RAPGEF6: variants seen among roughly 807,000 people sequenced by gnomAD.
The protein encoded by RAPGEF6 is Rap guanine nucleotide exchange factor 6.
A neutral mutation model predicts 171.4 loss-of-function variants in RAPGEF6; 56 were observed. The ratio of observed to expected loss-of-function variants is 0.33; its 90% CI spans 0.26 to 0.41. The LOEUF is 0.41. Among genes scored for constraint, RAPGEF6 ranks in the 10% least tolerant of loss-of-function variants. RAPGEF6 has a pLI of 1.00. For missense variants in RAPGEF6, 1,674 were observed against 1,921.4 expected (o/e 0.87, Z 2.41); for synonymous variants, 692 against 650.1 (o/e 1.06, Z -0.98).
chr5:131,635,126 A>G lies in RAPGEF6; in HGVS notation c.-96T>C. 1 of 1,281,574 alleles carries G rather than the reference A, an allele frequency of 7.8e-7. No homozygotes were observed. Among genetic ancestry groups the G allele is most frequent in the Non-Finnish European group, 1.1e-6 (1 of 950,410 alleles). 79.4% of individuals were successfully genotyped at this position (1,281,574 alleles called of 1,614,324 possible). ...GGTGCGGTACCTTTCCCCCGCCCCA[A>G]GGAGGGAACTTCGCGCCGTAACAAG... On this transcript the variant is annotated 5_prime_UTR_variant, in exon 1 of 28. Coordinates refer to ENST00000509018, the MANE Select transcript of RAPGEF6 (RefSeq NM_016340.6).
rs184540240 is a variant in RAPGEF6, at chr5:131,430,732, T to G, written c.4465+127A>C. The G allele has an allele frequency of 6.2e-3, 8,027 of 1,299,264 alleles. 35 individuals are homozygous for G. Among genetic ancestry groups the G allele is most frequent in the Middle Eastern group, 0.027 (146 of 5,434 alleles). The allele number at this position is 1,299,264 out of a possible 1,614,324, so 80.5% of individuals were successfully genotyped here. ...ATTTTTGGGAAATAACTTGTTTGTTTGTGAAGGAAAGAAAGGTTGTTAGAG... is the reference window on the plus strand; with the variant it reads ...ATTTTTGGGAAATAACTTGTTTGTTGGTGAAGGAAAGAAAGGTTGTTAGAG... On this transcript the variant is annotated intron_variant, in intron 26 of 27. Coordinates refer to ENST00000509018, the MANE Select transcript of RAPGEF6 (RefSeq NM_016340.6).
intron 3 of RAPGEF6, among the ~76,000 whole-genome samples, chr5:131,592,766 G>T (rs1763669069): frequency 6.6e-6 from 1 of 152,060 alleles, no homozygotes; most frequent in South Asian, 2.1e-4. Flanking sequence ...ACTGTTCCTT[G>T]AAATAAATTT....
chr5:131,430,821 A>T (rs369408987), intron 26 of RAPGEF6, 38 bp downstream of exon 26: 5 of 1,580,930 alleles, frequency 3.2e-6, no homozygotes, highest in Non-Finnish European at 4.3e-6. Context: ...TTGACTACTT[A>T]ATCTCTAAAT....
In RAPGEF6 at chr5:131,621,942, A is replaced by C. The variant is rs569990446; in HGVS notation, c.69+13020T>G. On this transcript the variant is annotated intron_variant, in intron 1 of 27. Transcript: ENST00000509018. ...GATATTTATAATTATCACAGTATTT[A>C]ATTAGGCCATATTTTAATTGTCCAT... Among the ~76,000 whole-genome samples the C allele has an allele frequency of 3.3e-5, 5 of 152,298 alleles. No individual in the cohort carries two copies. The East Asian group carries it at 9.6e-4, about 29-fold the overall frequency.
intron 1 of RAPGEF6, among the ~76,000 whole-genome samples, chr5:131,608,756 T>TA (rs995627061): frequency 9.2e-5 from 14 of 151,906 alleles, no homozygotes; most frequent in African/African-American, 3.1e-4. Flanking sequence ...AGAGGGTTGT[T>TA]AAAAAAAGTC....
chr5:131,489,496 T>C (rs772876340), intron 15 of RAPGEF6, 50 bp downstream of exon 15: 6 of 1,090,002 alleles, frequency 5.5e-6, no homozygotes, highest in Non-Finnish European at 6.8e-6. Context: ...GACTTTTCTA[T>C]TACCAAATTA....
At chr5:131,469,848 T>C (rs1305705852) in intron 17 of RAPGEF6, 1 of 1,512,188 alleles carries the variant, frequency 6.6e-7, no homozygotes, top group Non-Finnish European at 8.8e-7. Context: ...AAAATCAAAG[T>C]AAGCAATCAA....
At chr5:131,507,756 A>C (rs549038234) in intron 9 of RAPGEF6, among the ~76,000 whole-genome samples, 28 of 152,344 alleles carry the variant, frequency 1.8e-4, no homozygotes, top group African/African-American at 6.5e-4. Context: ...AAAATATTCA[A>C]GAATCTTTTA....
At chr5:131,483,177 C>A (rs1331554000) in intron 15 of RAPGEF6, among the ~76,000 whole-genome samples, 2 of 151,720 alleles carry the variant, frequency 1.3e-5, no homozygotes, top group African/African-American at 4.8e-5. Flanking sequence ...GGTGAAACTC[C>A]ATCTCTACTG....
At chr5:131,599,658 A>ATGCCT (rs1253774532) in intron 3 of RAPGEF6, among the ~76,000 whole-genome samples, 1 of 152,224 alleles carries the variant, frequency 6.6e-6, no homozygotes, top group Non-Finnish European at 1.5e-5. Flanking sequence ...AATAAAATCC[A>ATGCCT]TGCCTTCAAT....
At chr5:131,455,584 G>C (rs996541474) in intron 20 of RAPGEF6, among the ~76,000 whole-genome samples, 1 of 152,190 alleles carries the variant, frequency 6.6e-6, no homozygotes, top group Non-Finnish European at 1.5e-5. Flanking sequence ...AGTGGTCTAA[G>C]TTCCTTGCAT....
At chr5:131,556,981 C>T (rs964426164) in intron 5 of RAPGEF6, among the ~76,000 whole-genome samples, 2 of 151,982 alleles carry the variant, frequency 1.3e-5, no homozygotes, top group African/African-American at 2.4e-5. Flanking sequence ...GTTTTATAGA[C>T]GGGAGTCTAT....
At chr5:131,558,239 G>T (rs1197693920) in intron 5 of RAPGEF6, among the ~76,000 whole-genome samples, 3 of 147,308 alleles carry the variant, frequency 2.0e-5, no homozygotes, top group African/African-American at 7.5e-5. Context: ...TTTTTTCCAA[G>T]GAATTTGACT....
At position 131,425,093 on chromosome 5, in the gene RAPGEF6, A is replaced by G. The variant is rs1368864284; in HGVS notation, c.*2173T>C. 1 of 152,350 alleles carries G rather than the reference A, an allele frequency of 6.6e-6. No individual in the cohort carries two copies. Among genetic ancestry groups the G allele is most frequent in the African/African-American group, 2.4e-5 (1 of 41,448 alleles). 9.4% of individuals were successfully genotyped at this position (152,350 alleles called of 1,614,324 possible). ...TTGGCTTTGGCTCCTGATCAATGTG[A>G]TCAGCTGATCTGAACACTCACAGTT... On this transcript the variant is annotated 3_prime_UTR_variant, in exon 28 of 28. Coordinates refer to ENST00000509018, the MANE Select transcript of RAPGEF6 (RefSeq NM_016340.6).
intron 1 of RAPGEF6, among the ~76,000 whole-genome samples, chr5:131,612,590 C>T (rs1456415925): frequency 1.3e-5 from 2 of 152,150 alleles, no homozygotes; most frequent in Non-Finnish European, 2.9e-5. Context: ...CAGGCACTCA[C>T]AAAATGTCTA....
At chr5:131,467,524 G>A (rs1195188752) in intron 17 of RAPGEF6, among the ~76,000 whole-genome samples, 1 of 152,134 alleles carries the variant, frequency 6.6e-6, no homozygotes, top group African/African-American at 2.4e-5. Context: ...TTACAAACAT[G>A]TTTCTTGTTA....
intron 6 of RAPGEF6, among the ~76,000 whole-genome samples, chr5:131,538,169 A>G (rs748285675): frequency 6.6e-6 from 1 of 152,208 alleles, no homozygotes; most frequent in East Asian, 1.9e-4. Context: ...AACTATCTAC[A>G]CTGCATTTAC....
At chr5:131,532,262 G>A (rs1759440917) in intron 6 of RAPGEF6, 1 of 289,962 alleles carries the variant, frequency 3.4e-6, no homozygotes, top group Non-Finnish European at 6.9e-6. Context: ...CCACTGCAGT[G>A]TTTATATAAA....
At chr5:131,524,541 T>C (rs1580967666) in intron 6 of RAPGEF6, among the ~76,000 whole-genome samples, 1 of 147,608 alleles carries the variant, frequency 6.8e-6, no homozygotes, top group Non-Finnish European at 1.5e-5. Context: ...AAAGCTGATA[T>C]AGCTTATAGA....
Sources: gnomAD v4.1 joint callset for allele counts (sites outside exome capture counted in the v4.1 genomes callset) on GRCh38, gnomAD v4.1.1 for gene constraint, MANE v1.5 for transcripts, NCBI Gene and HGNC (gene_info 2026-07-23, HGNC 2026-07-21) for gene names.